The following CMTM6 variants were observed in gnomAD, a reference collection of about 807,000 sequenced individuals.
The protein encoded by CMTM6 is CKLF like MARVEL transmembrane domain containing 6, also known as CKLF-like MARVEL transmembrane domain-containing protein 6.
Under a neutral mutation model 13.6 loss-of-function variants are expected in CMTM6, and 5 were observed. That is an observed-to-expected ratio of 0.37 (90% CI 0.19 to 0.77). The LOEUF is 0.77. CMTM6 is among the 30% of genes least tolerant of loss of function. The probability of loss-of-function intolerance (pLI) is 0.50; values close to 1 mark genes in which losing one functional copy is unlikely to be tolerated. For synonymous variants in CMTM6, 99 were observed against 84.5 expected, an observed-to-expected ratio of 1.17 and a Z score of -0.94; for missense variants, 196 against 218.6, an observed-to-expected ratio of 0.90 and a Z score of 0.65.
In CMTM6 at chr3:32,482,071, T is replaced by C. The variant is rs1697159429; in HGVS notation, c.*1889A>G. ...ATGTGAAACTTTAGTCTACCTACCA[T>C]AAACTCGTTTTCTGAATCAGTCCTT... On this transcript the variant is annotated 3_prime_UTR_variant, in exon 4 of 4. Coordinates refer to ENST00000205636, the MANE Select transcript of CMTM6 (RefSeq NM_017801.3). 2.0e-5 allele frequency: 3 copies of C among 152,228 alleles called. No homozygotes were observed. The allele number at this position is 152,228 out of a possible 1,614,324, so 9.4% of individuals were successfully genotyped here. A position where few individuals can be genotyped will look rare whatever the true frequency, so the allele number is the denominator to read the frequency against.
chr3:32,495,995 G>C (rs374218281), intron 1 of CMTM6, among the ~76,000 whole-genome samples: 7 of 151,932 alleles, frequency 4.6e-5, no homozygotes, highest in African/African-American at 1.2e-4. Context: ...GGCCAACCTG[G>C]TTCAAGACCA....
chr3:32,494,457 C>G (rs564532600), intron 1 of CMTM6, among the ~76,000 whole-genome samples: 61 of 152,304 alleles, frequency 4.0e-4, no homozygotes, highest in African/African-American at 1.5e-3. Flanking sequence ...AACAACAGTT[C>G]AGCGGTTTCT....
At position 32,484,084 on chromosome 3, in the gene CMTM6, A is replaced by G. The variant is rs142418955; in HGVS notation, c.428T>C (p.Ile143Thr). 5 of 1,598,272 alleles carry G rather than the reference A, an allele frequency of 3.1e-6. No homozygotes were observed. The East Asian group carries it at 1.1e-4, about 36-fold the overall frequency. Residue 143 changes from isoleucine (I) to threonine (T), a missense_variant, in exon 4 of 4, where the codon ATA becomes ACA. Transcript: ENST00000205636. ...GTCAAGTAGGAACATAAAACTTGCT[A>G]TAAATCCAAACACCTGAGGAAAAAA... ...AEIAAIVFGF[I>T]ASFMFLLDFI...
intron 1 of CMTM6, among the ~76,000 whole-genome samples, chr3:32,497,407 A>AAAAAAAAG (rs1697304394): frequency 6.9e-6 from 1 of 145,730 alleles, no homozygotes; most frequent in Non-Finnish European, 1.5e-5. Flanking sequence ...AAAAGAAAGA[A>AAAAAAAAG]AAAACTCCTT....
chr3:32,484,463 A>G (rs1697185758), intron 3 of CMTM6, among the ~76,000 whole-genome samples: 1 of 152,236 alleles, frequency 6.6e-6, no homozygotes, highest in African/African-American at 2.4e-5. Context: ...CACAGATGCG[A>G]TAAGGAAAAT....
chr3:32,484,348 C>T (rs921447767), intron 3 of CMTM6, among the ~76,000 whole-genome samples: 62 of 152,148 alleles, frequency 4.1e-4, no homozygotes, highest in African/African-American at 1.3e-3. Context: ...CTTATGTGTG[C>T]ATGTTTATAT....
At position 32,482,159 on chromosome 3, in the gene CMTM6, CA is replaced by C. The variant is rs1188381151; in HGVS notation, c.*1800del. The C allele has an allele frequency of 6.6e-6, 1 of 152,190 alleles. No individual in the cohort carries two copies. Among genetic ancestry groups the C allele is most frequent in the Non-Finnish European group, 1.5e-5 (1 of 68,038 alleles). The allele number at this position is 152,190 out of a possible 1,614,324, so 9.4% of individuals were successfully genotyped here. On this transcript the variant is annotated 3_prime_UTR_variant, in exon 4 of 4. Transcript: ENST00000205636. ...TCTTAGATGACATGCCCAATAAAAA[CA>C]GCATCCATGATTGGTTTCATTATCT...
intron 1 of CMTM6, among the ~76,000 whole-genome samples, chr3:32,496,069 C>T (rs1258120641): frequency 3.3e-5 from 5 of 151,800 alleles, no homozygotes; most frequent in Admixed American, 6.6e-5. Context: ...GGCATGGTGG[C>T]GCATGCCTGT....
chr3:32,494,873 A>AG (rs1316223778), intron 1 of CMTM6, among the ~76,000 whole-genome samples: 1 of 152,210 alleles, frequency 6.6e-6, no homozygotes, highest in Non-Finnish European at 1.5e-5. Context: ...GTGGCTACAA[A>AG]GGGGTAGCAC....
intron 2 of CMTM6, 179 bp from the exon 3 acceptor site, chr3:32,488,215 A>C (rs1353524745): frequency 1.9e-6 from 1 of 537,140 alleles, no homozygotes; most frequent in Non-Finnish European, 3.4e-6. Context: ...AATACCCTGT[A>C]AAAAAACAGT....
At chr3:32,488,192 C>T (rs993785823) in intron 2 of CMTM6, 156 bp from the exon 3 acceptor site, 3 of 580,158 alleles carry the variant, frequency 5.2e-6, no homozygotes, top group African/African-American at 1.9e-5. Context: ...TTCAATAAGC[C>T]TGGCATTCAA....
intron 3 of CMTM6, among the ~76,000 whole-genome samples, chr3:32,484,536 T>C (rs935399344): frequency 6.6e-6 from 1 of 152,150 alleles, no homozygotes; most frequent in Non-Finnish European, 1.5e-5. Flanking sequence ...AAACAGAAAT[T>C]CCATTTTGAA....
intron 1 of CMTM6, among the ~76,000 whole-genome samples, chr3:32,496,653 A>G (rs539235820): frequency 1.6e-3 from 241 of 152,238 alleles, no homozygotes; most frequent in Non-Finnish European, 2.4e-3. Context: ...TATGTAGGTT[A>G]GAAAATCTCA....
intron 3 of CMTM6, 175 bp downstream of exon 3, chr3:32,487,763 A>C: frequency 2.1e-6 from 1 of 471,514 alleles, no homozygotes; most frequent in Non-Finnish European, 3.8e-6. Flanking sequence ...TATAGGCTCT[A>C]GGTTTTAAAG....
At chr3:32,501,349 G>C (rs1202788700) in intron 1 of CMTM6, among the ~76,000 whole-genome samples, 1 of 152,130 alleles carries the variant, frequency 6.6e-6, no homozygotes, top group Non-Finnish European at 1.5e-5. Flanking sequence ...GAAGGAAGAA[G>C]GTAGAAGGAA....
At chr3:32,488,663 T>C (rs1335975908) in intron 2 of CMTM6, among the ~76,000 whole-genome samples, 5 of 152,198 alleles carry the variant, frequency 3.3e-5, no homozygotes, top group African/African-American at 1.2e-4. Flanking sequence ...ACACTGAAGC[T>C]TTCTGGAATA....
chr3:32,485,603 C>T (rs992528703), intron 3 of CMTM6, among the ~76,000 whole-genome samples: 1 of 152,146 alleles, frequency 6.6e-6, no homozygotes, highest in Non-Finnish European at 1.5e-5. Context: ...TGTTTCTAAA[C>T]TGAAATTAAC....
chr3:32,487,128 G>A (rs1697211681), intron 3 of CMTM6, among the ~76,000 whole-genome samples: 2 of 152,128 alleles, frequency 1.3e-5, no homozygotes, highest in South Asian at 2.1e-4. Flanking sequence ...CAAGGTAGGT[G>A]GCGACTGTGA....
intron 1 of CMTM6, among the ~76,000 whole-genome samples, chr3:32,494,312 C>T (rs1307338976): frequency 2.0e-5 from 3 of 152,138 alleles, no homozygotes; most frequent in Admixed American, 6.5e-5. Context: ...AGGGAATTCC[C>T]TTCTCACTCC....
Sources: gnomAD v4.1 joint callset for allele counts (sites outside exome capture counted in the v4.1 genomes callset) on GRCh38, gnomAD v4.1.1 for gene constraint, MANE v1.5 for transcripts, NCBI Gene and HGNC (gene_info 2026-07-23, HGNC 2026-07-21) for gene names.